Variants in STX1A observed in about 807,000 individuals in gnomAD.
The protein encoded by STX1A is syntaxin-1A.
STX1A carries 4 observed loss-of-function variants against 37.8 expected under a neutral mutation model. The ratio of observed to expected loss-of-function variants is 0.11; its 90% CI spans 0.05 to 0.24. The LOEUF is 0.24. Ranked by LOEUF, STX1A falls within the 10% of genes least tolerant of loss-of-function variation. The pLI, the probability that STX1A is intolerant of heterozygous loss-of-function variation, is 1.00. For missense variants in STX1A, 251 were observed against 399.9 expected, an observed-to-expected ratio of 0.63 and a Z score of 3.18; for synonymous variants, 135 against 147.4, an observed-to-expected ratio of 0.92 and a Z score of 0.61.
intron 4 of STX1A, 91 bp from the exon 5 acceptor site, chr7:73,704,514 C>T: frequency 6.7e-7 from 1 of 1,492,350 alleles, no homozygotes; most frequent in East Asian, 2.3e-5. Flanking sequence ...CTTCCCACAT[C>T]CCCTAGGGTA....
intron 1 of STX1A, among the ~76,000 whole-genome samples, chr7:73,718,656 C>A (rs931889598): frequency 6.6e-6 from 1 of 151,836 alleles, no homozygotes; most frequent in Non-Finnish European, 1.5e-5. Flanking sequence ...TCATTTCCGT[C>A]GCTGTCCTCC....
chr7:73,714,296 CG>C (rs1416422863), intron 1 of STX1A, among the ~76,000 whole-genome samples: 5 of 151,836 alleles, frequency 3.3e-5, no homozygotes, highest in African/African-American at 1.2e-4. Flanking sequence ...TTAGTAGAGA[CG>C]GGGTTTCACC....
intron 3 of STX1A, among the ~76,000 whole-genome samples, chr7:73,707,795 C>T (rs933961850): frequency 6.6e-6 from 1 of 151,750 alleles, no homozygotes; most frequent in South Asian, 2.1e-4. Flanking sequence ...ATTAGCCGGG[C>T]GTGGTGGCGC....
In STX1A at chr7:73,702,605, G is replaced by T. The variant is rs1244920501; in HGVS notation, c.678+240C>A. 2 of 1,239,688 alleles carry T rather than the reference G, an allele frequency of 1.6e-6. No individual in the cohort carries two copies. Among genetic ancestry groups the T allele is most frequent in the Admixed American group, 3.0e-5 (1 of 33,528 alleles). The allele number at this position is 1,239,688 out of a possible 1,614,324, so 76.8% of individuals were successfully genotyped here. A position where few individuals can be genotyped will look rare whatever the true frequency, so the allele number is the denominator to read the frequency against. On this transcript the variant is annotated intron_variant, in intron 8 of 9. Coordinates refer to ENST00000222812, the MANE Select transcript of STX1A (RefSeq NM_004603.4). The surrounding 1 kb of genome is among the most constrained non-coding windows in gnomAD (Gnocchi z 4.7). ...AGTAGTAGGGGAATGAGAGACGGCG[G>T]GGTATAGAGGGTGGGGCCATGCAGG...
chr7:73,704,037 C>A lies in STX1A; in HGVS notation c.466+111G>T, dbSNP rs1309026170. 3.8e-6 allele frequency: 5 copies of A among 1,308,128 alleles called. No individual in the cohort carries two copies. In the Admixed American group the frequency reaches 9.3e-5, roughly 24 times the overall value. The allele number at this position is 1,308,128 out of a possible 1,614,324, so 81.0% of individuals were successfully genotyped here. On this transcript the variant is annotated intron_variant, in intron 6 of 9. Transcript: ENST00000222812. ...AAACTCAGCAGCTGCCTCGGGCCAC[C>A]CGCCTCGGGCCCCTAACTAAGCAGC...
At chr7:73,712,290 A>C (rs1799131740) in intron 1 of STX1A, among the ~76,000 whole-genome samples, 1 of 150,934 alleles carries the variant, frequency 6.6e-6, no homozygotes. Context: ...TCTGCTCTTT[A>C]TCCTGCTGCC....
chr7:73,712,541 A>C (rs1799142191), intron 1 of STX1A, among the ~76,000 whole-genome samples: 1 of 152,106 alleles, frequency 6.6e-6, no homozygotes, highest in Admixed American at 6.5e-5. Flanking sequence ...GCCATGGCTG[A>C]AAACTCTCAG....
intron 6 of STX1A, 134 bp from the exon 7 acceptor site, chr7:73,703,962 C>T: frequency 2.8e-6 from 3 of 1,062,350 alleles, no homozygotes; most frequent in Middle Eastern, 3.1e-4. Flanking sequence ...GGCCCCGCCC[C>T]CCCGGCCCTT....
At chr7:73,708,460 C>G in intron 3 of STX1A, 129 bp downstream of exon 3, 1 of 867,654 alleles carries the variant, frequency 1.2e-6, no homozygotes, top group Non-Finnish European at 1.8e-6. Flanking sequence ...CCTCCCGACC[C>G]TGGCCCGCCC....
rs1563568754 is a variant in STX1A, at chr7:73,703,014, AG to A, written c.541-33del. 8.7e-6 allele frequency: 10 copies of A among 1,153,838 alleles called. No homozygotes were observed. In the South Asian group the frequency reaches 2.2e-4, roughly 25 times the overall value. The allele number at this position is 1,153,838 out of a possible 1,614,324, so 71.5% of individuals were successfully genotyped here. On this transcript the variant is annotated intron_variant, in intron 7 of 9. Transcript: ENST00000222812. ...GTGGGAGCAGGGGGCTGGGACCCAG[AG>A]GCTTGCTGAGGGGCAGGGCAGAGGG...
rs1798702972 is a variant in STX1A at position 73,702,666 on chromosome 7, G to A, written c.678+179C>T. The A allele has an allele frequency of 2.7e-6, 4 of 1,466,906 alleles. No individual in the cohort carries two copies. Among genetic ancestry groups the A allele is most frequent in the Non-Finnish European group, 2.7e-6 (3 of 1,106,046 alleles). 90.9% of individuals were successfully genotyped at this position (1,466,906 alleles called of 1,614,324 possible). On this transcript the variant is annotated intron_variant, in intron 8 of 9. Transcript: ENST00000222812. The surrounding 1 kb of genome is among the most constrained non-coding windows in gnomAD (Gnocchi z 4.7). ...CTTGAAGCTCAAGCAGAGCCATGCA[G>A]AGGACAGGGACCTTCGGGTCGGCAG...
rs1323723542 is a variant in STX1A, at chr7:73,700,078, C to G, written c.*329G>C. On this transcript the variant is annotated 3_prime_UTR_variant, in exon 10 of 10. Transcript: ENST00000222812. The surrounding 1 kb of genome is among the most constrained non-coding windows in gnomAD (Gnocchi z 4.4). ...TAGGGTCCCCAGGGAAGAGCAGAAC[C>G]TGGGCCCACCGAGTTACTGAAGGCA... is the stretch of plus-strand genomic sequence containing the variant. 1.6e-5 allele frequency: 7 copies of G among 432,038 alleles called. No individual in the cohort carries two copies. The highest frequency in any genetic ancestry group is 2.6e-5 in the Non-Finnish European group (6 of 233,388). 26.8% of individuals were successfully genotyped at this position (432,038 alleles called of 1,614,324 possible).
Position 73,705,424 on chromosome 7 carries a change from C to A in STX1A, c.209-200G>T. 5.1e-6 allele frequency: 3 copies of A among 585,082 alleles called. No individual in the cohort carries two copies. Among genetic ancestry groups the A allele is most frequent in the Non-Finnish European group, 6.1e-6 (2 of 328,318 alleles). 36.2% of individuals were successfully genotyped at this position (585,082 alleles called of 1,614,324 possible). ...GCTGCACCAGCTGCAGCTTCACCCC[C>A]TCTTGTGCTGTCTTCGGAGGAGCCT... On this transcript the variant is annotated intron_variant, in intron 3 of 9. Transcript: ENST00000222812. The surrounding 1 kb of genome is among the most constrained non-coding windows in gnomAD (Gnocchi z 5.2).
rs1554616866 is a variant in STX1A, at chr7:73,705,981, C to A, written c.209-757G>T. 1 of 152,346 alleles carries A rather than the reference C, an allele frequency of 6.6e-6. No homozygotes were observed. Among genetic ancestry groups the A allele is most frequent in the Non-Finnish European group, 1.5e-5 (1 of 68,158 alleles). 9.4% of individuals were successfully genotyped at this position (152,346 alleles called of 1,614,324 possible). On this transcript the variant is annotated intron_variant, in intron 3 of 9. Coordinates refer to ENST00000222812, the MANE Select transcript of STX1A (RefSeq NM_004603.4). The surrounding 1 kb of genome is among the most constrained non-coding windows in gnomAD (Gnocchi z 5.2). ...AGGCCATGGGGGTGCCCAGCTTGCC[C>A]CCCTGCCTGAGAGAAGCTGGATGGA...
intron 1 of STX1A, among the ~76,000 whole-genome samples, chr7:73,712,122 G>A (rs1417191377): frequency 1.3e-5 from 2 of 152,244 alleles, no homozygotes; most frequent in Middle Eastern, 3.4e-3. Flanking sequence ...GTGGCATTGA[G>A]ATTGGCCCCA....
chr7:73,704,628 A>AC, intron 4 of STX1A: 2 of 630,282 alleles, frequency 3.2e-6, no homozygotes, highest in Non-Finnish European at 5.6e-6. Context: ...GCATGTGTGT[A>AC]AATGCACACC....
Position 73,717,659 on chromosome 7 carries a change from TG to T in STX1A, c.30+1942del. Among the ~76,000 whole-genome samples, 1 of 152,274 alleles carries T rather than the reference TG, an allele frequency of 6.6e-6. No homozygotes were observed. The highest frequency in any genetic ancestry group is 2.1e-4 in the South Asian group (1 of 4,830). On this transcript the variant is annotated intron_variant, in intron 1 of 9. Coordinates refer to ENST00000222812, the MANE Select transcript of STX1A (RefSeq NM_004603.4). This position sits in a 1 kb window ranked among gnomAD's most constrained non-coding sequence, Gnocchi z 4.1. ...CACCCAGCAATGGGTACAGCCTCCCTGGGCTCTGAATGCCTTGTGTGGGGAG... is the reference window on the plus strand; with the variant it reads ...CACCCAGCAATGGGTACAGCCTCCCTGGCTCTGAATGCCTTGTGTGGGGAG...
intron 1 of STX1A, among the ~76,000 whole-genome samples, chr7:73,713,793 C>A (rs2116768947): frequency 6.6e-6 from 1 of 152,352 alleles, no homozygotes; most frequent in East Asian, 1.9e-4. Flanking sequence ...CCTTGGGGAT[C>A]TACCAATGCT....
intron 1 of STX1A, among the ~76,000 whole-genome samples, chr7:73,714,812 C>T (rs1799234201): frequency 6.6e-6 from 1 of 151,838 alleles, no homozygotes; most frequent in Non-Finnish European, 1.5e-5. Flanking sequence ...AGGGATCCAC[C>T]CCAAAGAGAC....
Sources: allele counts gnomAD v4.1 joint callset (sites outside exome capture counted in the v4.1 genomes callset), GRCh38; gene constraint gnomAD v4.1.1; non-coding constraint Gnocchi (gnomAD v3.1); transcripts MANE v1.5; gene names NCBI Gene and HGNC (gene_info 2026-07-23, HGNC 2026-07-21).